MED12L: variants seen among roughly 807,000 people sequenced by gnomAD.
MED12L encodes the protein mediator of RNA polymerase II transcription subunit 12-like protein.
Under a neutral mutation model 281.3 loss-of-function variants are expected in MED12L, and 60 were observed. The observed-to-expected ratio is 0.21, with a 90% CI of 0.17 to 0.26. The LOEUF (loss-of-function observed/expected upper bound fraction) is 0.26. Ranked by LOEUF, MED12L falls within the 10% of genes least tolerant of loss-of-function variation. The pLI is 1.00. For missense variants in MED12L, 2,146 were observed against 2,680.9 expected, an observed-to-expected ratio of 0.80 and a Z score of 4.41; for synonymous variants, 974 against 987.2, an observed-to-expected ratio of 0.99 and a Z score of 0.25.
chr3:151,175,095 A>G (rs1426147879), intron 11 of MED12L, among the ~76,000 whole-genome samples: 31 of 152,234 alleles, frequency 2.0e-4, no homozygotes, highest in Admixed American at 2.0e-3. Context: ...ATTATCTTAT[A>G]TTGGTGACTG....
In MED12L at chr3:151,086,913, T is replaced by C. The variant is rs764175836; in HGVS notation, c.-14T>C. On this transcript the variant is annotated 5_prime_UTR_variant, in exon 2 of 45. Coordinates refer to ENST00000687756, the MANE Select transcript of MED12L (RefSeq NM_001393769.1). ...TCCAACTCTCATTCATTTCGCCGGT[T>C]AACATGAGAGATCATGGCCGCCTTC... 35 of 1,574,968 alleles carry C rather than the reference T, an allele frequency of 2.2e-5. No individual in the cohort carries two copies. Among genetic ancestry groups the C allele is most frequent in the Non-Finnish European group, 2.8e-5 (32 of 1,160,794 alleles).
At chr3:151,138,272 G>A (rs995009767) in intron 5 of MED12L, among the ~76,000 whole-genome samples, 5 of 151,702 alleles carry the variant, frequency 3.3e-5, no homozygotes, top group African/African-American at 1.2e-4. Flanking sequence ...ATGTACCACA[G>A]TTTGGCCAGT....
intron 16 of MED12L, chr3:151,294,353 A>G (rs1349574384): frequency 6.2e-7 from 1 of 1,614,018 alleles, no homozygotes; most frequent in Non-Finnish European, 8.5e-7. Context: ...GAAAAGTGTA[A>G]TTTCTTTGCA....
At chr3:151,301,454 G>A (rs1236808696) in intron 16 of MED12L, among the ~76,000 whole-genome samples, 1 of 152,172 alleles carries the variant, frequency 6.6e-6, no homozygotes, top group Non-Finnish European at 1.5e-5. Flanking sequence ...GAGAGAGAGA[G>A]CAGACAGTTG....
chr3:151,358,451 A>G (rs1481979644), intron 20 of MED12L, among the ~76,000 whole-genome samples: 1 of 152,162 alleles, frequency 6.6e-6, no homozygotes, highest in East Asian at 1.9e-4. Flanking sequence ...TTTAATAAAA[A>G]TCTTTCGAAC....
chr3:151,239,029 G>C (rs1733521788), intron 16 of MED12L, among the ~76,000 whole-genome samples: 1 of 152,194 alleles, frequency 6.6e-6, no homozygotes, highest in Admixed American at 6.5e-5. Flanking sequence ...ACTGAAAGCA[G>C]AATTTTGGAA....
chr3:151,231,468 T>C (rs1332765640), intron 16 of MED12L, among the ~76,000 whole-genome samples: 2 of 152,218 alleles, frequency 1.3e-5, no homozygotes, highest in Admixed American at 1.3e-4. Flanking sequence ...CCTCCTGATA[T>C]GATTTAGTTA....
chr3:151,350,325 C>G, intron 17 of MED12L, 119 bp downstream of exon 17: 2 of 886,742 alleles, frequency 2.3e-6, no homozygotes, highest in Non-Finnish European at 3.2e-6. Context: ...CTGAATGACT[C>G]TCACATTGAA....
At chr3:151,308,200 A>G (rs1746977369) in intron 16 of MED12L, among the ~76,000 whole-genome samples, 1 of 152,168 alleles carries the variant, frequency 6.6e-6, no homozygotes, top group Non-Finnish European at 1.5e-5. Context: ...GAAAATAAAA[A>G]TACACTTTTT....
chr3:151,291,538 A>G (rs1744261135), intron 16 of MED12L, among the ~76,000 whole-genome samples: 1 of 152,226 alleles, frequency 6.6e-6, no homozygotes, highest in Non-Finnish European at 1.5e-5. Context: ...GGAAGAATAA[A>G]TACACTATTT....
chr3:151,372,534 C>A (rs1560092608), intron 26 of MED12L, 33 bp from the exon 27 acceptor site: 3 of 1,548,564 alleles, frequency 1.9e-6, no homozygotes, highest in Admixed American at 3.3e-5. Flanking sequence ...TTTTGAACTT[C>A]TGTGATTTTG....
intron 16 of MED12L, among the ~76,000 whole-genome samples, chr3:151,311,538 G>A (rs1747515836): frequency 6.6e-6 from 1 of 151,968 alleles, no homozygotes. Context: ...ATATAATATA[G>A]GCATGTACCG....
chr3:151,383,853 C>T lies in MED12L; in HGVS notation c.4755C>T (p.Ile1585=). 1.9e-6 allele frequency: 3 copies of T among 1,613,904 alleles called. No homozygotes were observed. The highest frequency in any genetic ancestry group is 2.5e-6 in the Non-Finnish European group (3 of 1,179,848). ...ACTGGGCCCTGCTACTCCTTCAGAT[C>T]ATTACTTCAGGAACTGTTGACATGC... is the stretch of plus-strand genomic sequence containing the variant. ...TTDWALLLLQ[I]ITSGTVDMHT... is the part of the protein sequence containing the mutation. The change falls in exon 34 of 45, where the codon ATC becomes ATT. Residue 1585 remains isoleucine (I), a synonymous_variant. Coordinates refer to ENST00000687756, the MANE Select transcript of MED12L (RefSeq NM_001393769.1).
intron 25 of MED12L, 72 bp downstream of exon 25, chr3:151,368,323 T>C (rs911480025): frequency 7.7e-7 from 1 of 1,293,582 alleles, no homozygotes; most frequent in Admixed American, 1.8e-5. Flanking sequence ...CCAAATAGGC[T>C]GTCCCTTTCT....
At chr3:151,171,292 T>C (rs1352155714) in intron 11 of MED12L, among the ~76,000 whole-genome samples, 1 of 152,116 alleles carries the variant, frequency 6.6e-6, no homozygotes, top group East Asian at 1.9e-4. Context: ...GGAGTTGCTC[T>C]CTTTGCTTTT....
intron 16 of MED12L, among the ~76,000 whole-genome samples, chr3:151,242,303 G>A (rs1054256757): frequency 6.6e-6 from 1 of 152,242 alleles, no homozygotes; most frequent in Non-Finnish European, 1.5e-5. Flanking sequence ...GCCTCTCTAG[G>A]CTCCACCTCT....
At chr3:151,114,600 C>G (rs1468958693) in intron 2 of MED12L, among the ~76,000 whole-genome samples, 1 of 152,156 alleles carries the variant, frequency 6.6e-6, no homozygotes, top group Non-Finnish European at 1.5e-5. Context: ...TACCATTACT[C>G]CAACTGTTAC....
intron 11 of MED12L, among the ~76,000 whole-genome samples, chr3:151,172,262 A>G (rs1294172968): frequency 2.6e-5 from 4 of 152,360 alleles, no homozygotes; most frequent in Non-Finnish European, 4.4e-5. Flanking sequence ...TAAAATGGGC[A>G]TGCTATTTCC....
intron 16 of MED12L, among the ~76,000 whole-genome samples, chr3:151,255,963 A>G (rs764039411): frequency 6.6e-5 from 10 of 152,194 alleles, no homozygotes; most frequent in Non-Finnish European, 1.5e-5. Flanking sequence ...TTTTCTTACT[A>G]TAATGCCTAG....
Sources: allele counts gnomAD v4.1 joint callset (sites outside exome capture counted in the v4.1 genomes callset), GRCh38; gene constraint gnomAD v4.1.1; transcripts MANE v1.5; gene names NCBI Gene and HGNC (gene_info 2026-07-23, HGNC 2026-07-21).